Variants in SLC25A30 observed in about 807,000 individuals in gnomAD.
The protein encoded by SLC25A30 is kidney mitochondrial carrier protein 1.
SLC25A30 carries 29 observed loss-of-function variants against 42.7 expected under a neutral mutation model. That is an observed-to-expected ratio of 0.68 (90% CI 0.51 to 0.93). The LOEUF is 0.93. SLC25A30 is among the 40% of genes least tolerant of loss of function. The pLI is 0.00. For synonymous variants in SLC25A30, 124 were observed against 131.0 expected (o/e 0.95, Z 0.37); for missense variants, 300 against 359.7 (o/e 0.83, Z 1.34).
chr13:45,419,373 C>T (rs1593638015), upstream of SLC25A30, among the ~76,000 whole-genome samples: 1 of 151,174 alleles, frequency 6.6e-6, no homozygotes, highest in South Asian at 2.1e-4. Context: ...GGCTGGAGTG[C>T]AATGGCACCA....
chr13:45,419,246 T>C (rs1283356299), upstream of SLC25A30, among the ~76,000 whole-genome samples: 1 of 149,824 alleles, frequency 6.7e-6, no homozygotes, highest in Admixed American at 6.7e-5. Flanking sequence ...ATGTAAATAT[T>C]TATTTATATA....
the SLC25A30 span, among the ~76,000 whole-genome samples, chr13:45,424,825 A>AAAAATATAT: frequency 3.3e-3 from 148 of 45,344 alleles, 5 homozygotes; most frequent in African/African-American, 0.014. Flanking sequence ...TAAATATATA[A>AAAAATATAT]AAATATATAT....
At chr13:45,429,135 C>T in the SLC25A30 span, among the ~76,000 whole-genome samples, 2 of 129,722 alleles carry the variant, frequency 1.5e-5, no homozygotes, top group East Asian at 5.0e-4. Flanking sequence ...ATGGCGCAGT[C>T]TCAGTTCACT....
the SLC25A30 span, among the ~76,000 whole-genome samples, chr13:45,425,252 A>G: frequency 5.7e-5 from 6 of 105,426 alleles, no homozygotes; most frequent in African/African-American, 1.6e-4. Flanking sequence ...ATATAAATAT[A>G]TATACGTATA....
At chr13:45,426,559 G>A in the SLC25A30 span, among the ~76,000 whole-genome samples, 2 of 152,088 alleles carry the variant, frequency 1.3e-5, no homozygotes, top group African/African-American at 4.8e-5. Context: ...AAATATTGCA[G>A]TCTGGTCTCA....
At chr13:45,408,417 T>G (rs532638671) in intron 3 of SLC25A30, among the ~76,000 whole-genome samples, 1 of 152,272 alleles carries the variant, frequency 6.6e-6, no homozygotes, top group Admixed American at 6.5e-5. Flanking sequence ...TGTGCTGTGG[T>G]GTACTGGAGA....
chr13:45,404,558 T>A (rs557194749), intron 4 of SLC25A30, 146 bp from the exon 5 acceptor site: 15 of 642,072 alleles, frequency 2.3e-5, no homozygotes, highest in Admixed American at 7.1e-5. Context: ...GTAGCTCACA[T>A]CTGTAATCCC....
chr13:45,395,720 C>T lies in SLC25A30; in HGVS notation c.*254G>A. 7.3e-7 allele frequency: 1 copy of T among 1,376,874 alleles called. No individual in the cohort carries two copies. The highest frequency in any genetic ancestry group is 2.7e-4 in the Middle Eastern group (1 of 3,662). 85.3% of individuals were successfully genotyped at this position (1,376,874 alleles called of 1,614,324 possible). A position where few individuals can be genotyped will look rare whatever the true frequency, so the allele number is the denominator to read the frequency against. ...TCTTTAGCAAGAAACATGCATTTCA[C>T]ATATTATCTTTGATGTTGAAGGGCA... On this transcript the variant is annotated 3_prime_UTR_variant, in exon 10 of 10. Transcript: ENST00000519676.
the SLC25A30 span, among the ~76,000 whole-genome samples, chr13:45,430,523 G>A: frequency 2.0e-5 from 3 of 152,002 alleles, no homozygotes; most frequent in Non-Finnish European, 4.4e-5. Context: ...TAAGAATATG[G>A]GGCCTGGCAT....
chr13:45,422,705 G>C (rs1017287025), upstream of SLC25A30, among the ~76,000 whole-genome samples: 1 of 152,012 alleles, frequency 6.6e-6, no homozygotes, highest in Non-Finnish European at 1.5e-5. Context: ...TGTTGCTTTG[G>C]GCATTTGTTT....
At chr13:45,404,061 C>T (rs1882265213) in intron 5 of SLC25A30, among the ~76,000 whole-genome samples, 2 of 151,824 alleles carry the variant, frequency 1.3e-5, no homozygotes, top group South Asian at 4.2e-4. Flanking sequence ...CCGTGAAAAA[C>T]GAAAATGAAA....
In SLC25A30 at chr13:45,407,464, A is replaced by G. The variant is rs1251177584; in HGVS notation, c.212+1463T>C. ...AGTTCCAGCTATGTAGGGGGCTGCA[A>G]TGAGAGGATCACTTGAGCCTGGGAG... On this transcript the variant is annotated intron_variant, in intron 3 of 9. Transcript: ENST00000519676. 2.0e-4 allele frequency among the ~76,000 whole-genome samples: 31 copies of G among 151,996 alleles called. 1 individual carries two copies. Among genetic ancestry groups the G allele is most frequent in the Admixed American group, 2.0e-3 (31 of 15,256 alleles).
chr13:45,424,827 AATATATATATAAAAATATATATAAAT>A, the SLC25A30 span, among the ~76,000 whole-genome samples: 1 of 54,882 alleles, frequency 1.8e-5, no homozygotes, highest in South Asian at 5.9e-4. Context: ...AATATATAAA[AATATATATATAAAAATATATATAAAT>A]ATATATATAA....
intron 1 of SLC25A30, among the ~76,000 whole-genome samples, chr13:45,414,701 G>A (rs1433985389): frequency 4.0e-5 from 6 of 151,458 alleles, no homozygotes; most frequent in Admixed American, 6.6e-5. Flanking sequence ...ACTGGAATAA[G>A]TAAGTAGATG....
chr13:45,396,343 A>T (rs751473356), intron 9 of SLC25A30: 3 of 1,179,978 alleles, frequency 2.5e-6, no homozygotes, highest in Non-Finnish European at 3.2e-6. Flanking sequence ...AGAGAGAGAG[A>T]GAGTTAGCAA....
the SLC25A30 span, among the ~76,000 whole-genome samples, chr13:45,424,614 T>TAGAA: frequency 0.026 from 1,548 of 59,242 alleles, 136 homozygotes; most frequent in African/African-American, 0.04. Flanking sequence ...TATAAATATA[T>TAGAA]ATAAATATAT....
chr13:45,432,877 CA>C, the SLC25A30 span, among the ~76,000 whole-genome samples: 91 of 148,394 alleles, frequency 6.1e-4, no homozygotes, highest in Non-Finnish European at 1.1e-3. Context: ...AAAAAAAAAA[CA>C]AAAAAAAATT....
intron 1 of SLC25A30, 101 bp from the exon 2 acceptor site, chr13:45,411,581 A>C: frequency 2.8e-6 from 2 of 708,336 alleles, no homozygotes; most frequent in Non-Finnish European, 4.8e-6. Context: ...TGCTATCACC[A>C]AAACCCCTGC....
At chr13:45,402,879 CCTGTTACACT>C in intron 5 of SLC25A30, 2 of 864,594 alleles carry the variant, frequency 2.3e-6, no homozygotes, top group Non-Finnish European at 2.8e-6. Context: ...CCACATGATA[CCTGTTACACT>C]CTGTTACACT....
Sources: allele counts gnomAD v4.1 joint callset (sites outside exome capture counted in the v4.1 genomes callset), GRCh38; gene constraint gnomAD v4.1.1; transcripts MANE v1.5; gene names NCBI Gene and HGNC (gene_info 2026-07-23, HGNC 2026-07-21).